ZNF26: variants seen among roughly 807,000 people sequenced by gnomAD.
ZNF26 encodes zinc finger protein 26, also known as epididymis luminal protein 179.
Under a neutral mutation model 54.9 loss-of-function variants are expected in ZNF26, and 32 were observed. That is an observed-to-expected ratio of 0.58 (90% CI 0.44 to 0.78). The LOEUF is 0.78. Ranked by LOEUF, ZNF26 falls within the 30% of genes least tolerant of loss-of-function variation. ZNF26 has a pLI of 0.00. For synonymous variants in ZNF26, 221 were observed against 209.2 expected (o/e 1.06, Z -0.49); for missense variants, 524 against 634.0 (o/e 0.83, Z 1.86).
intron 3 of ZNF26, among the ~76,000 whole-genome samples, chr12:133,008,066 T>C (rs1953372448): frequency 1.3e-5 from 2 of 152,112 alleles, no homozygotes; most frequent in Admixed American, 1.3e-4. Flanking sequence ...CCGAATGTTG[T>C]AACTGTCGAA....
chr12:133,003,633 A>G (rs1953266376), intron 1 of ZNF26, among the ~76,000 whole-genome samples: 3 of 152,148 alleles, frequency 2.0e-5, no homozygotes, highest in Admixed American at 6.5e-5. Flanking sequence ...GGATACTGAT[A>G]ATCATGTTTA....
Position 133,001,859 on chromosome 12 carries a change from C to A in ZNF26, c.34-5183C>A. 2.4e-6 allele frequency: 1 copy of A among 411,946 alleles called. No individual in the cohort carries two copies. The highest frequency in any genetic ancestry group is 3.3e-5 in the Admixed American group (1 of 30,140). 25.5% of individuals were successfully genotyped at this position (411,946 alleles called of 1,614,324 possible). A position where few individuals can be genotyped will look rare whatever the true frequency, so the allele number is the denominator to read the frequency against. On this transcript the variant is annotated intron_variant, in intron 1 of 3. Transcript: ENST00000328654. The surrounding 1 kb of genome is among the most constrained non-coding windows in gnomAD (Gnocchi z 4.7). ...TTCAGAGGAAAGCAGTTATTCGATC[C>A]TTGTTTACTTAAATTCTTAAGTACA... is the stretch of plus-strand genomic sequence containing the variant.
rs77349696 is a variant in ZNF26, at chr12:133,026,519, C to CTTTT, written c.*15060_*15063dup. 10 of 122,462 alleles carry CTTTT rather than the reference C, an allele frequency of 8.2e-5. No homozygotes were observed. The highest frequency in any genetic ancestry group is 3.6e-4 in the African/African-American group (10 of 27,446). 7.6% of individuals were successfully genotyped at this position (122,462 alleles called of 1,614,324 possible). A position where few individuals can be genotyped will look rare whatever the true frequency, so the allele number is the denominator to read the frequency against. ...AAAAGGACAACTTCATATAGTTCAA[C>CTTTT]TTTTTTTTTTTTTTTTTTTTTTTTT... On this transcript the variant is annotated 3_prime_UTR_variant, in exon 4 of 4. Coordinates refer to ENST00000328654, the MANE Select transcript of ZNF26 (RefSeq NM_019591.4).
intron 1 of ZNF26, among the ~76,000 whole-genome samples, chr12:133,003,985 T>G (rs1218611262): frequency 1.3e-5 from 2 of 152,250 alleles, no homozygotes; most frequent in Non-Finnish European, 2.9e-5. Flanking sequence ...AGTATCAGCT[T>G]TCATTGATGT....
intron 1 of ZNF26, among the ~76,000 whole-genome samples, chr12:132,991,679 TG>T (rs1195039969): frequency 6.7e-6 from 1 of 150,156 alleles, no homozygotes; most frequent in Non-Finnish European, 1.5e-5. Flanking sequence ...AGTGTGCACC[TG>T]TAGCCCCAGC....
In ZNF26 at chr12:133,026,430, A is replaced by C. The variant is rs1953706525; in HGVS notation, c.*14949A>C. The C allele has an allele frequency of 6.6e-6, 1 of 151,796 alleles. No individual in the cohort carries two copies. The highest frequency in any genetic ancestry group is 1.9e-4 in the East Asian group (1 of 5,160). The allele number at this position is 151,796 out of a possible 1,614,324, so 9.4% of individuals were successfully genotyped here. ...TCTCTTTTTTTAGGTAATCAAGTTA[A>C]AATAATAAGTCACTAAATTTTGAGG... On this transcript the variant is annotated 3_prime_UTR_variant, in exon 4 of 4. Coordinates refer to ENST00000328654, the MANE Select transcript of ZNF26 (RefSeq NM_019591.4).
chr12:132,988,242 T>C, intron 1 of ZNF26, among the ~76,000 whole-genome samples: 1 of 142,330 alleles, frequency 7.0e-6, no homozygotes, highest in East Asian at 2.0e-4. Context: ...AGTAAATCTT[T>C]TGTTTTTTTT....
chr12:133,007,152 T>A lies in ZNF26; in HGVS notation c.144T>A (p.His48Gln). ...GAGATGTGATATTGGAAAACTATCA[T>A]AACCTGATATCAGTGGGTAAGTACT... ...LYRDVILENY[H>Q]NLISVGYHGT... The change falls in exon 2 of 4, where the codon CAT (histidine) becomes CAA (glutamine). Residue 48 changes from histidine (H) to glutamine (Q), a missense_variant. Coordinates refer to ENST00000328654, the MANE Select transcript of ZNF26 (RefSeq NM_019591.4). 6.2e-7 allele frequency: 1 copy of A among 1,614,200 alleles called. No homozygotes were observed. Among genetic ancestry groups the A allele is most frequent in the Middle Eastern group, 1.6e-4 (1 of 6,062 alleles).
At chr12:132,992,315 TTTTTTTTC>T (rs1276484654) in intron 1 of ZNF26, among the ~76,000 whole-genome samples, 1 of 152,118 alleles carries the variant, frequency 6.6e-6, no homozygotes, top group Admixed American at 6.6e-5. Context: ...TTTTGATGAT[TTTTTTTTC>T]TCTAAACACC....
chr12:133,001,731 G>A lies in ZNF26; in HGVS notation c.34-5311G>A. The stretch of plus-strand genomic sequence containing the variant: ...CCCAGGGAAACAGTGCCCTGCCTGA[G>A]GTGAGCCGCAGGGAGGCGGGGCCCT... On this transcript the variant is annotated intron_variant, in intron 1 of 3. Transcript: ENST00000328654. The surrounding 1 kb of genome is among the most constrained non-coding windows in gnomAD (Gnocchi z 4.7). 1 of 1,288,764 alleles carries A rather than the reference G, an allele frequency of 7.8e-7. No individual in the cohort carries two copies. The highest frequency in any genetic ancestry group is 5.6e-5 in the East Asian group (1 of 18,018). 79.8% of individuals were successfully genotyped at this position (1,288,764 alleles called of 1,614,324 possible).
chr12:133,009,752 T>C (rs1406625400), intron 3 of ZNF26, among the ~76,000 whole-genome samples: 3 of 152,152 alleles, frequency 2.0e-5, no homozygotes, highest in Admixed American at 2.0e-4. Context: ...AACTTTGTAC[T>C]TGGTGTAGTG....
At chr12:133,008,494 T>C (rs1953385641) in intron 3 of ZNF26, among the ~76,000 whole-genome samples, 1 of 152,120 alleles carries the variant, frequency 6.6e-6, no homozygotes, top group South Asian at 2.1e-4. Context: ...TACCTGAGAC[T>C]GGCTGGGCAC....
intron 3 of ZNF26, among the ~76,000 whole-genome samples, chr12:133,008,853 C>A (rs1953401703): frequency 6.6e-6 from 1 of 151,878 alleles, no homozygotes; most frequent in East Asian, 1.9e-4. Context: ...CAGAGTTCTG[C>A]AGGCTGTATG....
At position 133,015,897 on chromosome 12, in the gene ZNF26, G is replaced by GGA. The variant is rs1953559570; in HGVS notation, c.*4416_*4417insGA. On this transcript the variant is annotated 3_prime_UTR_variant, in exon 4 of 4. Transcript: ENST00000328654. ...GTTTATTTAGAAATTCATGCTGCAT[G>GGA]TTTATTGATGGAATGTTTGTGTGAC... The GGA allele has an allele frequency of 6.6e-6, 1 of 152,124 alleles. No homozygotes were observed. The highest frequency in any genetic ancestry group is 1.5e-5 in the Non-Finnish European group (1 of 68,010). The allele number at this position is 152,124 out of a possible 1,614,324, so 9.4% of individuals were successfully genotyped here.
chr12:133,011,587 C>G lies in ZNF26; in HGVS notation c.*106C>G. ...CTAAAATTACACTCATGTCAAAAAT[C>G]AGAGAGGAGAGAGACCAACCATATT... On this transcript the variant is annotated 3_prime_UTR_variant, in exon 4 of 4. Coordinates refer to ENST00000328654, the MANE Select transcript of ZNF26 (RefSeq NM_019591.4). The G allele has an allele frequency of 1.6e-6, 2 of 1,223,708 alleles. No individual in the cohort carries two copies. The highest frequency in any genetic ancestry group is 2.2e-6 in the Non-Finnish European group (2 of 913,632). 75.8% of individuals were successfully genotyped at this position (1,223,708 alleles called of 1,614,324 possible). A position where few individuals can be genotyped will look rare whatever the true frequency, so the allele number is the denominator to read the frequency against.
At position 133,001,561 on chromosome 12, in the gene ZNF26, TTCTCTCA is replaced by T. The variant is rs1953219427; in HGVS notation, c.34-5480_34-5474del. The T allele has an allele frequency of 1.1e-6, 1 of 876,322 alleles. No homozygotes were observed. Among genetic ancestry groups the T allele is most frequent in the Non-Finnish European group, 1.6e-6 (1 of 619,948 alleles). 54.3% of individuals were successfully genotyped at this position (876,322 alleles called of 1,614,324 possible). On this transcript the variant is annotated intron_variant, in intron 1 of 3. Transcript: ENST00000328654. The surrounding 1 kb of genome is among the most constrained non-coding windows in gnomAD (Gnocchi z 4.7). Reference sequence around the variant, plus strand: ...GCAGTTCCATGGTGTATGTGATTCTTTCTCTCACTGCATGCAGACTCACCCAGAAGTC... The same window carrying T: ...GCAGTTCCATGGTGTATGTGATTCTTCTGCATGCAGACTCACCCAGAAGTC...
At chr12:132,987,832 A>G (rs1952856870) in intron 1 of ZNF26, 1 of 678,786 alleles carries the variant, frequency 1.5e-6, no homozygotes, top group African/African-American at 1.9e-5. Flanking sequence ...TGCTAAAGAA[A>G]CGAGAGAAAG....
In ZNF26 at chr12:133,025,975, A is replaced by G. The variant is rs1953697760; in HGVS notation, c.*14494A>G. 6.6e-6 allele frequency: 1 copy of G among 152,486 alleles called. No homozygotes were observed. Among genetic ancestry groups the G allele is most frequent in the Non-Finnish European group, 1.5e-5 (1 of 68,294 alleles). 9.4% of individuals were successfully genotyped at this position (152,486 alleles called of 1,614,324 possible). The stretch of plus-strand genomic sequence containing the variant: ...AACTAGCTCACACACAGACTACATC[A>G]AGAGTGAGAGATGCCTAAAACACCC... On this transcript the variant is annotated 3_prime_UTR_variant, in exon 4 of 4. Transcript: ENST00000328654.
At position 133,011,456 on chromosome 12, in the gene ZNF26, G is replaced by T; in HGVS notation, c.1577G>T (p.Arg526Leu). 1.9e-6 allele frequency: 3 copies of T among 1,567,808 alleles called. No homozygotes were observed. The highest frequency in any genetic ancestry group is 1.4e-5 in the African/African-American group (1 of 72,890). The change falls in exon 4 of 4, where the codon CGT becomes CTT. Residue 526 changes from arginine (R) to leucine (L), a missense_variant. By Grantham distance (102) the Arg-to-Leu change is moderately radical. Transcript: ENST00000328654. The stretch of plus-strand genomic sequence containing the variant: ...TCCTTCTGTTGGAATTCAGGGCTTC[G>T]TATACATCGGAAGACTCATAAATGA... The part of the protein sequence containing the change: ...GKSFCWNSGL[R>L]IHRKTHK
Sources: gnomAD v4.1 joint callset for allele counts (sites outside exome capture counted in the v4.1 genomes callset) on GRCh38, gnomAD v4.1.1 for gene constraint, Gnocchi (gnomAD v3.1) non-coding constraint, MANE v1.5 for transcripts, NCBI Gene and HGNC (gene_info 2026-07-23, HGNC 2026-07-21) for gene names.